CAMK4: variants seen among roughly 807,000 people sequenced by gnomAD.
CAMK4 encodes calcium/calmodulin-dependent protein kinase type IV.
In CAMK4, 22 loss-of-function variants were observed where a neutral mutation model predicts 44.9. That is an observed-to-expected ratio of 0.49 (90% CI 0.35 to 0.70). CAMK4 has a LOEUF of 0.70. Among genes scored for constraint, CAMK4 ranks in the 30% least tolerant of loss-of-function variants. The probability of loss-of-function intolerance (pLI) is 0.01; values close to 1 mark genes in which losing one functional copy is unlikely to be tolerated. For synonymous variants in CAMK4, 218 were observed against 215.4 expected (o/e 1.01, Z -0.11); for missense variants, 498 against 586.8 (o/e 0.85, Z 1.56).
chr5:111,357,482 A>G (rs1750413436), intron 2 of CAMK4, among the ~76,000 whole-genome samples: 1 of 152,130 alleles, frequency 6.6e-6, no homozygotes, highest in South Asian at 2.1e-4. Flanking sequence ...ATGTGTTAAT[A>G]AATTTTAATT....
At chr5:111,370,433 A>G (rs1750959943) in intron 2 of CAMK4, among the ~76,000 whole-genome samples, 1 of 152,162 alleles carries the variant, frequency 6.6e-6, no homozygotes, top group African/African-American at 2.4e-5. Flanking sequence ...TTCTACTATC[A>G]CACTTTACAT....
intron 2 of CAMK4, among the ~76,000 whole-genome samples, chr5:111,350,145 A>G (rs1750032420): frequency 6.6e-6 from 1 of 152,012 alleles, no homozygotes; most frequent in African/African-American, 2.4e-5. Flanking sequence ...CTGTTTTTTC[A>G]TCTTTAAAAT....
intron 2 of CAMK4, among the ~76,000 whole-genome samples, chr5:111,373,359 G>A (rs943292080): frequency 6.6e-6 from 1 of 152,046 alleles, no homozygotes; most frequent in African/African-American, 2.4e-5. Flanking sequence ...GAAATGGTGC[G>A]TGCTTTCTTT....
intron 1 of CAMK4, among the ~76,000 whole-genome samples, chr5:111,299,717 C>T (rs899426404): frequency 3.9e-5 from 6 of 152,254 alleles, no homozygotes; most frequent in Admixed American, 6.5e-5. Flanking sequence ...GACCAGCATT[C>T]GTAGCTAGTG....
chr5:111,312,784 A>G (rs1330484067), intron 1 of CAMK4, among the ~76,000 whole-genome samples: 2 of 152,154 alleles, frequency 1.3e-5, no homozygotes, highest in Non-Finnish European at 2.9e-5. Context: ...CCCGTTGACG[A>G]ATGTGATTTG....
intron 1 of CAMK4, among the ~76,000 whole-genome samples, chr5:111,326,100 G>A (rs549593659): frequency 6.6e-6 from 1 of 151,976 alleles, no homozygotes; most frequent in East Asian, 1.9e-4. Flanking sequence ...GTAGAAAAGA[G>A]GAAATAAAGA....
At chr5:111,396,584 C>T (rs1752016223) in intron 5 of CAMK4, among the ~76,000 whole-genome samples, 1 of 136,660 alleles carries the variant, frequency 7.3e-6, no homozygotes, top group Non-Finnish European at 1.5e-5. Flanking sequence ...TGCTGGCATG[C>T]TTTAAAAAAG....
chr5:111,392,742 A>C (rs1001709523), intron 4 of CAMK4, among the ~76,000 whole-genome samples: 1 of 152,178 alleles, frequency 6.6e-6, no homozygotes, highest in Admixed American at 6.5e-5. Context: ...TAATTCAAGA[A>C]TAACATGTAA....
At chr5:111,275,774 A>T (rs974761273) in intron 1 of CAMK4, among the ~76,000 whole-genome samples, 2 of 152,104 alleles carry the variant, frequency 1.3e-5, no homozygotes, top group African/African-American at 4.8e-5. Context: ...ACTAGAAGAG[A>T]AAAACTGTAT....
intron 1 of CAMK4, chr5:111,282,948 G>C (rs2112608140): frequency 6.6e-6 from 1 of 152,350 alleles, no homozygotes; most frequent in Middle Eastern, 3.4e-3. Context: ...CAGAGTATCA[G>C]TTGTTTATCC....
chr5:111,409,676 T>G (rs1314837353), intron 5 of CAMK4, among the ~76,000 whole-genome samples: 1 of 152,214 alleles, frequency 6.6e-6, no homozygotes, highest in Admixed American at 6.5e-5. Flanking sequence ...TTTCCAAAAT[T>G]TTATGCTCTG....
chr5:111,295,061 C>G (rs1306278710), intron 1 of CAMK4, among the ~76,000 whole-genome samples: 1 of 152,104 alleles, frequency 6.6e-6, no homozygotes, highest in Admixed American at 6.5e-5. Flanking sequence ...ATTTAAATTT[C>G]AAATTAAAAA....
At chr5:111,401,963 C>A (rs1752244189) in intron 5 of CAMK4, among the ~76,000 whole-genome samples, 1 of 152,210 alleles carries the variant, frequency 6.6e-6, no homozygotes, top group African/African-American at 2.4e-5. Context: ...CCAGCCAGTG[C>A]TGGTGTTGCT....
At position 111,490,196 on chromosome 5, in the gene CAMK4, G is replaced by A. The variant is rs916116272; in HGVS notation, c.*5730G>A. 21 of 152,106 alleles carry A rather than the reference G, an allele frequency of 1.4e-4. No individual in the cohort carries two copies. Among genetic ancestry groups the A allele is most frequent in the African/African-American group, 4.3e-4 (18 of 41,426 alleles). The allele number at this position is 152,106 out of a possible 1,614,324, so 9.4% of individuals were successfully genotyped here. ...ACCTTGCATTCTAATTTTTGAAAGC[G>A]GTTGTTTTCCCTGAGCTCTCTCTCA... On this transcript the variant is annotated 3_prime_UTR_variant, in exon 11 of 11. Transcript: ENST00000282356.
At chr5:111,405,348 G>C (rs935252015) in intron 5 of CAMK4, among the ~76,000 whole-genome samples, 1 of 152,080 alleles carries the variant, frequency 6.6e-6, no homozygotes, top group African/African-American at 2.4e-5. Flanking sequence ...TGCGCCTATA[G>C]TCCCAGCTAC....
chr5:111,346,959 G>A (rs1749899000), intron 2 of CAMK4, among the ~76,000 whole-genome samples: 1 of 151,972 alleles, frequency 6.6e-6, no homozygotes, highest in Admixed American at 6.6e-5. Context: ...TGGCTTATGA[G>A]CACGGGTACA....
intron 5 of CAMK4, among the ~76,000 whole-genome samples, chr5:111,410,996 A>AT (rs374607328): frequency 5.3e-5 from 8 of 152,126 alleles, no homozygotes; most frequent in East Asian, 3.9e-4. Flanking sequence ...CTTTTCTCAG[A>AT]TTTTTTTTGT....
chr5:111,337,009 C>A (rs1749434179), intron 1 of CAMK4, among the ~76,000 whole-genome samples: 1 of 150,880 alleles, frequency 6.6e-6, no homozygotes, highest in African/African-American at 2.4e-5. Flanking sequence ...TATTTTATTG[C>A]AGTTTTACTT....
intron 4 of CAMK4, among the ~76,000 whole-genome samples, chr5:111,391,661 A>G (rs1751805333): frequency 6.6e-6 from 1 of 152,190 alleles, no homozygotes; most frequent in Non-Finnish European, 1.5e-5. Flanking sequence ...AACCAAGGCA[A>G]TGGAAGAAAA....
Sources: gnomAD v4.1 joint callset for allele counts (sites outside exome capture counted in the v4.1 genomes callset) on GRCh38, gnomAD v4.1.1 for gene constraint, MANE v1.5 for transcripts, NCBI Gene and HGNC (gene_info 2026-07-23, HGNC 2026-07-21) for gene names.